The following SPDEF variants were observed in gnomAD, a reference collection of about 807,000 sequenced individuals.
The protein encoded by SPDEF is SAM pointed domain containing ETS transcription factor, also known as SAM pointed domain-containing Ets transcription factor.
A neutral mutation model predicts 36.0 loss-of-function variants in SPDEF; 12 were observed. That is an observed-to-expected ratio of 0.33 (90% CI 0.21 to 0.54). The LOEUF (loss-of-function observed/expected upper bound fraction) is 0.54, where lower values mean the gene tolerates loss of function less well. SPDEF is among the 20% of genes least tolerant of loss of function. SPDEF has a pLI of 0.93. For synonymous variants in SPDEF, 205 were observed against 193.0 expected, an observed-to-expected ratio of 1.06 and a Z score of -0.51; for missense variants, 388 against 456.9, an observed-to-expected ratio of 0.85 and a Z score of 1.37.
intron 1 of SPDEF, among the ~76,000 whole-genome samples, chr6:34,546,778 A>T (rs1188527560): frequency 3.6e-5 from 1 of 28,034 alleles, no homozygotes; most frequent in Non-Finnish European, 6.8e-5. Flanking sequence ...AGGAAAGGTC[A>T]GGGTGGGGTG....
rs780056688 is a variant in SPDEF, at chr6:34,539,588, G to A, written c.635-26C>T. On this transcript the variant is annotated intron_variant, in intron 3 of 5. Coordinates refer to ENST00000374037, the MANE Select transcript of SPDEF (RefSeq NM_012391.3). The surrounding 1 kb of genome is among the most constrained non-coding windows in gnomAD (Gnocchi z 5.2). ...CTGCAGGGCAAGGAGAGGGGGTTGGGGACCCAGGAGAGGCCCCGAGGGTGG... is the reference window on the plus strand; with the variant it reads ...CTGCAGGGCAAGGAGAGGGGGTTGGAGACCCAGGAGAGGCCCCGAGGGTGG... 61 of 1,558,154 alleles carry A rather than the reference G, an allele frequency of 3.9e-5. No individual in the cohort carries two copies. The South Asian group carries it at 6.8e-4, about 17-fold the overall frequency.
At position 34,543,419 on chromosome 6, in the gene SPDEF, G is replaced by A. The variant is rs946338855; in HGVS notation, c.436+601C>T. Among the ~76,000 whole-genome samples, 9 of 152,242 alleles carry A rather than the reference G, an allele frequency of 5.9e-5. No homozygotes were observed. In the East Asian group the frequency reaches 1.5e-3, roughly 26 times the overall value. ...TCAACAGATATGGTGCGGCACGTCC[G>A]AGGAGTGTAAGTGCTATGAGAGGAA... On this transcript the variant is annotated intron_variant, in intron 2 of 5. Coordinates refer to ENST00000374037, the MANE Select transcript of SPDEF (RefSeq NM_012391.3).
chr6:34,544,871 C>T lies in SPDEF; in HGVS notation c.-29-387G>A, dbSNP rs954661146. On this transcript the variant is annotated intron_variant, in intron 1 of 5. Transcript: ENST00000374037. The surrounding 1 kb of genome is among the most constrained non-coding windows in gnomAD (Gnocchi z 4.4). ...AGCAAACTGAGGTGGGAACAAGGGG[C>T]CCTCAGTGTCCAAATCTTTCCTGAT... 6.6e-6 allele frequency among the ~76,000 whole-genome samples: 1 copy of T among 152,214 alleles called. No homozygotes were observed. Among genetic ancestry groups the T allele is most frequent in the Non-Finnish European group, 1.5e-5 (1 of 68,030 alleles).
Position 34,544,511 on chromosome 6 carries a change from T to C in SPDEF, c.-29-27A>G, listed in dbSNP as rs907658264. The C allele has an allele frequency of 1.6e-4, 239 of 1,465,250 alleles. No homozygotes were observed. The highest frequency in any genetic ancestry group is 2.0e-4 in the Non-Finnish European group (224 of 1,108,528). The allele number at this position is 1,465,250 out of a possible 1,614,324, so 90.8% of individuals were successfully genotyped here. Reference sequence around the variant, plus strand: ...TACGGAAATGAAAGAGGACTCAGGTTTGACTGCTTCTCCATCCCTGTGGGG... The same window carrying C: ...TACGGAAATGAAAGAGGACTCAGGTCTGACTGCTTCTCCATCCCTGTGGGG... On this transcript the variant is annotated intron_variant, in intron 1 of 5. Coordinates refer to ENST00000374037, the MANE Select transcript of SPDEF (RefSeq NM_012391.3). The surrounding 1 kb of genome is among the most constrained non-coding windows in gnomAD (Gnocchi z 4.4).
chr6:34,552,416 A>C lies in SPDEF; in HGVS notation c.-30+3513T>G, dbSNP rs777849251. ...CTCTTCAGCAGTGAAACAGGGACTCATAAAGACAGCTGTGTGTCTGGATTT... is the reference window on the plus strand; with the variant it reads ...CTCTTCAGCAGTGAAACAGGGACTCCTAAAGACAGCTGTGTGTCTGGATTT... On this transcript the variant is annotated intron_variant, in intron 1 of 5. Coordinates refer to ENST00000374037, the MANE Select transcript of SPDEF (RefSeq NM_012391.3). The surrounding 1 kb of genome is among the most constrained non-coding windows in gnomAD (Gnocchi z 4.6). Among the ~76,000 whole-genome samples, 1 of 152,238 alleles carries C rather than the reference A, an allele frequency of 6.6e-6. No homozygotes were observed. Among genetic ancestry groups the C allele is most frequent in the Non-Finnish European group, 1.5e-5 (1 of 68,036 alleles).
rs577585156 is a variant in SPDEF at position 34,550,808 on chromosome 6, T to G, written c.-30+5121A>C. ...GCCACGTAGCAGGAAGACGGGGCAC[T>G]GGAAGCCAAAGTGGAGCGCCAGGGG... On this transcript the variant is annotated intron_variant, in intron 1 of 5. Coordinates refer to ENST00000374037, the MANE Select transcript of SPDEF (RefSeq NM_012391.3). Among the ~76,000 whole-genome samples, 475 of 152,264 alleles carry G rather than the reference T, an allele frequency of 3.1e-3. 2 individuals carry two copies. The highest frequency in any genetic ancestry group is 0.011 in the African/African-American group (453 of 41,546).
At chr6:34,541,632 C>T (rs147002325) in intron 2 of SPDEF, among the ~76,000 whole-genome samples, 168 of 152,374 alleles carry the variant, frequency 1.1e-3, no homozygotes, top group African/African-American at 3.8e-3. Context: ...CCCCACCATT[C>T]TCTCCAGCCC....
rs1288458181 is a variant in SPDEF at position 34,552,187 on chromosome 6, C to T, written c.-30+3742G>A. ...ACTCCTTGAAGGGCCGGCCACAGTA[C>T]CTTCCCTCTTCCCTACCCTCCTCCA... is the stretch of plus-strand genomic sequence containing the variant. On this transcript the variant is annotated intron_variant, in intron 1 of 5. Coordinates refer to ENST00000374037, the MANE Select transcript of SPDEF (RefSeq NM_012391.3). This position sits in a 1 kb window ranked among gnomAD's most constrained non-coding sequence, Gnocchi z 4.6. 6.6e-6 allele frequency among the ~76,000 whole-genome samples: 1 copy of T among 152,074 alleles called. No homozygotes were observed. The highest frequency in any genetic ancestry group is 6.6e-5 in the Admixed American group (1 of 15,266).
At position 34,538,171 on chromosome 6, in the gene SPDEF, A is replaced by G; in HGVS notation, c.*103T>C. 7.7e-7 allele frequency: 1 copy of G among 1,303,666 alleles called. No individual in the cohort carries two copies. The highest frequency in any genetic ancestry group is 1.5e-5 in the African/African-American group (1 of 67,944). The allele number at this position is 1,303,666 out of a possible 1,614,324, so 80.8% of individuals were successfully genotyped here. ...ACCTTGGGCTCTGGAAGGTCAGAGC[A>G]GCAGAGCAGACTGCCCGTTTTCCCC... On this transcript the variant is annotated 3_prime_UTR_variant, in exon 6 of 6. Coordinates refer to ENST00000374037, the MANE Select transcript of SPDEF (RefSeq NM_012391.3). This position sits in a 1 kb window ranked among gnomAD's most constrained non-coding sequence, Gnocchi z 5.9.
rs974634316 is a variant in SPDEF, at chr6:34,545,955, G to A, written c.-29-1471C>T. Among the ~76,000 whole-genome samples the A allele has an allele frequency of 1.8e-4, 27 of 151,910 alleles. 1 individual carries two copies. The highest frequency in any genetic ancestry group is 4.8e-4 in the African/African-American group (20 of 41,346). The stretch of plus-strand genomic sequence containing the variant: ...ACACGCACACACACACAAAGAATAC[G>A]TCAAGCCAGAGGCAGAAGATTACCA... On this transcript the variant is annotated intron_variant, in intron 1 of 5. Coordinates refer to ENST00000374037, the MANE Select transcript of SPDEF (RefSeq NM_012391.3).
rs1359048933 is a variant in SPDEF at position 34,552,495 on chromosome 6, G to A, written c.-30+3434C>T. Among the ~76,000 whole-genome samples, 1 of 152,232 alleles carries A rather than the reference G, an allele frequency of 6.6e-6. No individual in the cohort carries two copies. Among genetic ancestry groups the A allele is most frequent in the South Asian group, 2.1e-4 (1 of 4,834 alleles). ...AGAAGGCTTCACTGTCTCCCGAGAG[G>A]TGTGTGTCCACAGTGGTGACTGCTG... On this transcript the variant is annotated intron_variant, in intron 1 of 5. Transcript: ENST00000374037. This position sits in a 1 kb window ranked among gnomAD's most constrained non-coding sequence, Gnocchi z 4.6.
chr6:34,543,859 G>A (rs1050464824), intron 2 of SPDEF, among the ~76,000 whole-genome samples, 161 bp downstream of exon 2: 1 of 152,192 alleles, frequency 6.6e-6, no homozygotes, highest in African/African-American at 2.4e-5. Context: ...CCTGGCCCAG[G>A]CTCACAGCTG....
At chr6:34,546,251 C>T (rs1228201307) in intron 1 of SPDEF, among the ~76,000 whole-genome samples, 1 of 152,132 alleles carries the variant, frequency 6.6e-6, no homozygotes, top group Admixed American at 6.5e-5. Context: ...GGGTGATTCT[C>T]GTGCATGTTC....
At position 34,544,152 on chromosome 6, in the gene SPDEF, C is replaced by A; in HGVS notation, c.304G>T (p.Ala102Ser). 1 of 1,613,916 alleles carries A rather than the reference C, an allele frequency of 6.2e-7. No homozygotes were observed. Among genetic ancestry groups the A allele is most frequent in the Non-Finnish European group, 8.5e-7 (1 of 1,179,950 alleles). Residue 102 changes from alanine (A) to serine (S), a missense_variant, in exon 2 of 6, where the codon GCG becomes TCG. This residue lies in a region of SPDEF where 308 missense variants were observed against 326.1 expected (regional missense o/e 0.94). Transcript: ENST00000374037. This position sits in a 1 kb window ranked among gnomAD's most constrained non-coding sequence, Gnocchi z 4.4. ...CCGGGCACCAAGTCCAGGCTGCCCG[C>A]TGGGGCTTGGCTGTCAATGACCGGG... ...QCPVIDSQAP[A>S]GSLDLVPGGL...
At chr6:34,551,019 TC>T (rs1225755644) in intron 1 of SPDEF, among the ~76,000 whole-genome samples, 2 of 152,170 alleles carry the variant, frequency 1.3e-5, no homozygotes, top group African/African-American at 4.8e-5. Flanking sequence ...TGCCGGGCCC[TC>T]CCAGCTGGGG....
chr6:34,553,793 A>G (rs1768111775), intron 1 of SPDEF, among the ~76,000 whole-genome samples: 1 of 151,690 alleles, frequency 6.6e-6, no homozygotes, highest in Non-Finnish European at 1.5e-5. Context: ...GATGGTGGTG[A>G]GGGAGGCTGG....
At chr6:34,545,410 C>T (rs568260974) in intron 1 of SPDEF, among the ~76,000 whole-genome samples, 44 of 152,382 alleles carry the variant, frequency 2.9e-4, no homozygotes, top group African/African-American at 7.5e-4. Flanking sequence ...CAAGGCCCTC[C>T]GGGGGAACCA....
At chr6:34,543,946 C>T in intron 2 of SPDEF, 74 bp downstream of exon 2, 2 of 1,487,880 alleles carry the variant, frequency 1.3e-6, no homozygotes, top group South Asian at 1.2e-5. Flanking sequence ...TCCAGCAGTG[C>T]CCCGACCCAC....
chr6:34,549,686 G>T (rs59428262), intron 1 of SPDEF, among the ~76,000 whole-genome samples: 3,939 of 152,226 alleles, frequency 0.026, 140 homozygotes, highest in African/African-American at 0.085. Flanking sequence ...ATGGTGGTGT[G>T]GGGTAAATGT....
Sources: gnomAD v4.1 joint callset for allele counts (sites outside exome capture counted in the v4.1 genomes callset) on GRCh38, gnomAD v4.1.1 for gene constraint, gnomAD v4.1.1 regional missense constraint, Gnocchi (gnomAD v3.1) non-coding constraint, MANE v1.5 for transcripts, NCBI Gene and HGNC (gene_info 2026-07-23, HGNC 2026-07-21) for gene names.